The following PAM variants were observed in gnomAD, a reference collection of about 807,000 sequenced individuals.
PAM encodes peptidyl-glycine alpha-amidating monooxygenase.
PAM carries 72 observed loss-of-function variants against 122.1 expected under a neutral mutation model. That is an observed-to-expected ratio of 0.59 (90% CI 0.49 to 0.72). PAM has a LOEUF of 0.72. Among genes scored for constraint, PAM ranks in the 30% least tolerant of loss-of-function variants. The pLI is 0.00. For missense variants in PAM, 1,106 were observed against 1,183.7 expected (o/e 0.93, Z 0.96); for synonymous variants, 389 against 404.4 (o/e 0.96, Z 0.46).
rs1765594785 is a variant in PAM at position 102,804,073 on chromosome 5, G to A, written c.-374+48725G>A. Reference sequence around the variant, plus strand: ...GGAGATAGATGTGGAATTCCAGGAGGAAGAAACAGTAAGAGCACAGGCCTG... The same window carrying A: ...GGAGATAGATGTGGAATTCCAGGAGAAAGAAACAGTAAGAGCACAGGCCTG... On this transcript the variant is annotated intron_variant, in intron 1 of 25. Coordinates refer to ENST00000438793, the MANE Select transcript of PAM (RefSeq NM_001177306.2). 1.3e-5 allele frequency among the ~76,000 whole-genome samples: 2 copies of A among 152,058 alleles called. 1 individual carries two copies. Among genetic ancestry groups the A allele is most frequent in the African/African-American group, 4.8e-5 (2 of 41,400 alleles).
At chr5:102,935,541 G>T (rs1752967156) in intron 7 of PAM, among the ~76,000 whole-genome samples, 1 of 152,260 alleles carries the variant, frequency 6.6e-6, no homozygotes. Flanking sequence ...CTGCAGGGCA[G>T]ATATCTAGAA....
intron 1 of PAM, among the ~76,000 whole-genome samples, chr5:102,832,056 T>C (rs985369897): frequency 6.6e-5 from 10 of 152,240 alleles, no homozygotes; most frequent in African/African-American, 2.2e-4. Context: ...TTCCCTTCAT[T>C]ATACTGTGCA....
At chr5:102,828,190 A>G (rs1407239384) in intron 1 of PAM, among the ~76,000 whole-genome samples, 7 of 150,286 alleles carry the variant, frequency 4.7e-5, no homozygotes, top group Non-Finnish European at 7.4e-5. Context: ...AATACAAAAG[A>G]AAAAAAAATA....
At position 102,885,081 on chromosome 5, in the gene PAM, C is replaced by CTA. The variant is rs72500464; in HGVS notation, c.211-16262_211-16261dup. ...ACACTTTAGCAACCTTGTTTAATAA[C>CTA]TATATATATATATAACTATAAAAGC... On this transcript the variant is annotated intron_variant, in intron 3 of 25. Coordinates refer to ENST00000438793, the MANE Select transcript of PAM (RefSeq NM_001177306.2). 1.9e-4 allele frequency among the ~76,000 whole-genome samples: 26 copies of CTA among 133,594 alleles called. 1 individual carries two copies. Among genetic ancestry groups the CTA allele is most frequent in the South Asian group, 9.5e-4 (4 of 4,230 alleles). 87.6% of individuals were successfully genotyped at this position (133,594 alleles called of 152,430 possible).
intron 14 of PAM, among the ~76,000 whole-genome samples, chr5:102,972,028 A>G (rs1375501105): frequency 1.3e-5 from 2 of 152,162 alleles, no homozygotes; most frequent in South Asian, 2.1e-4. Flanking sequence ...TCCTAACCCA[A>G]TAACAATTTT....
chr5:102,939,908 T>C lies in PAM; in HGVS notation c.527-6929T>C, dbSNP rs549356407. 6.6e-5 allele frequency among the ~76,000 whole-genome samples: 10 copies of C among 152,178 alleles called. No individual in the cohort carries two copies. The East Asian group carries it at 1.9e-3, about 29-fold the overall frequency. Reference sequence around the variant, plus strand: ...TTTTAGGTTGACCTTAAAAAATATATATATTCTTATTAAATTATAGCTTTT... The same window carrying C: ...TTTTAGGTTGACCTTAAAAAATATACATATTCTTATTAAATTATAGCTTTT... On this transcript the variant is annotated intron_variant, in intron 7 of 25. Transcript: ENST00000438793.
chr5:102,847,506 C>T (rs963892899), intron 1 of PAM, among the ~76,000 whole-genome samples: 4 of 151,900 alleles, frequency 2.6e-5, no homozygotes, highest in Non-Finnish European at 2.9e-5. Context: ...TCACTGGGAT[C>T]ATTATAAAAT....
At chr5:102,890,481 C>T (rs958558302) in intron 3 of PAM, among the ~76,000 whole-genome samples, 2 of 151,930 alleles carry the variant, frequency 1.3e-5, no homozygotes, top group Admixed American at 6.6e-5. Flanking sequence ...AACTTTCCCT[C>T]GTAAGCTATT....
intron 1 of PAM, among the ~76,000 whole-genome samples, chr5:102,768,403 A>G (rs1041728765): frequency 5.9e-5 from 9 of 152,106 alleles, no homozygotes; most frequent in African/African-American, 2.2e-4. Context: ...CTCATTGACT[A>G]CAGTCACCTT....
rs1366521618 is a variant in PAM at position 102,945,722 on chromosome 5, G to A, written c.527-1115G>A. The stretch of plus-strand genomic sequence containing the variant: ...CTATCCAGCTGGCTTTTCCAGCCAG[G>A]ATATATGATTTTGATATTCTGAGTT... On this transcript the variant is annotated intron_variant, in intron 7 of 25. Coordinates refer to ENST00000438793, the MANE Select transcript of PAM (RefSeq NM_001177306.2). Among the ~76,000 whole-genome samples, 3 of 152,012 alleles carry A rather than the reference G, an allele frequency of 2.0e-5. No individual in the cohort carries two copies. In the East Asian group the frequency reaches 5.8e-4, roughly 29 times the overall value.
chr5:102,798,032 T>C (rs1298263397), intron 1 of PAM, among the ~76,000 whole-genome samples: 2 of 152,180 alleles, frequency 1.3e-5, no homozygotes, highest in Non-Finnish European at 2.9e-5. Context: ...CTATATATAA[T>C]GACAGAGATT....
chr5:102,916,394 A>T (rs1803096954), intron 5 of PAM, among the ~76,000 whole-genome samples: 2 of 151,982 alleles, frequency 1.3e-5, no homozygotes, highest in Non-Finnish European at 2.9e-5. Context: ...TTTTAAATGG[A>T]TTTTAAAATA....
chr5:102,862,126 C>A (rs974240185), intron 1 of PAM, among the ~76,000 whole-genome samples: 1 of 148,052 alleles, frequency 6.8e-6, no homozygotes, highest in East Asian at 2.0e-4. Flanking sequence ...GCCAAAATTG[C>A]GCCACTGCAC....
intron 3 of PAM, among the ~76,000 whole-genome samples, chr5:102,897,008 G>C (rs952256515): frequency 6.6e-6 from 1 of 151,562 alleles, no homozygotes; most frequent in Non-Finnish European, 1.5e-5. Context: ...ACAGCGATTT[G>C]ATTCTTTTAC....
chr5:103,028,837 G>A (rs1396846459), intron 25 of PAM, 50 bp from the exon 26 acceptor site: 1 of 856,760 alleles, frequency 1.2e-6, no homozygotes, highest in South Asian at 1.9e-5. Flanking sequence ...CAAGGTAACA[G>A]ACATTGCTGC....
chr5:102,782,147 G>A (rs771730466), intron 1 of PAM, among the ~76,000 whole-genome samples: 8 of 152,162 alleles, frequency 5.3e-5, no homozygotes, highest in Non-Finnish European at 1.2e-4. Flanking sequence ...GAACACTTTA[G>A]AACACATTAT....
chr5:102,815,072 C>A (rs1428431727), intron 1 of PAM, among the ~76,000 whole-genome samples: 2 of 152,030 alleles, frequency 1.3e-5, no homozygotes, highest in African/African-American at 2.4e-5. Flanking sequence ...TTTTAAGCAA[C>A]CAACTCCTAT....
Position 103,028,747 on chromosome 5 carries a change from CTGTT to C in PAM, c.2744-138_2744-135del, listed in dbSNP as rs1168128130. 2.2e-5 allele frequency: 13 copies of C among 603,328 alleles called. 1 individual carries two copies. The highest frequency in any genetic ancestry group is 4.3e-4 in the Middle Eastern group (1 of 2,306). 37.4% of individuals were successfully genotyped at this position (603,328 alleles called of 1,614,324 possible). A position where few individuals can be genotyped will look rare whatever the true frequency, so the allele number is the denominator to read the frequency against. ...ATGGCTCTGTAGGATACGTCTCTGT[CTGTT>C]TTTCTATTTTATTTTTAAATAAAAT... On this transcript the variant is annotated intron_variant, in intron 25 of 25. Coordinates refer to ENST00000438793, the MANE Select transcript of PAM (RefSeq NM_001177306.2).
chr5:103,020,913 G>A (rs975984949), intron 23 of PAM, among the ~76,000 whole-genome samples: 1 of 152,098 alleles, frequency 6.6e-6, no homozygotes, highest in African/African-American at 2.4e-5. Flanking sequence ...ACACTACTAA[G>A]TGGCATTCAT....
Sources: gnomAD v4.1 joint callset for allele counts (sites outside exome capture counted in the v4.1 genomes callset) on GRCh38, gnomAD v4.1.1 for gene constraint, MANE v1.5 for transcripts, NCBI Gene and HGNC (gene_info 2026-07-23, HGNC 2026-07-21) for gene names.